DCC: variants seen among roughly 807,000 people sequenced by gnomAD.
DCC encodes the protein DCC netrin 1 receptor.
DCC carries 58 observed loss-of-function variants against 172.5 expected under a neutral mutation model. That is an observed-to-expected ratio of 0.34 (90% CI 0.27 to 0.42). The LOEUF (loss-of-function observed/expected upper bound fraction) is 0.42, where lower values mean the gene tolerates loss of function less well. DCC is among the 10% of genes least tolerant of loss of function. DCC has a pLI of 1.00. For missense variants in DCC, 1,740 were observed against 1,791.0 expected, an observed-to-expected ratio of 0.97 and a Z score of 0.51; for synonymous variants, 709 against 644.5, an observed-to-expected ratio of 1.10 and a Z score of -1.52.
At chr18:52,948,775 T>C (rs1279249228) in intron 5 of DCC, among the ~76,000 whole-genome samples, 1 of 152,230 alleles carries the variant, frequency 6.6e-6, no homozygotes, top group Non-Finnish European at 1.5e-5. Flanking sequence ...CAGCAGACTT[T>C]ATTCTTAACA....
intron 16 of DCC, among the ~76,000 whole-genome samples, chr18:53,386,814 A>T (rs921063319): frequency 3.9e-4 from 59 of 152,198 alleles, no homozygotes; most frequent in Non-Finnish European, 8.2e-4. Flanking sequence ...AGATGGTGAG[A>T]TCCAAACTAT....
At chr18:52,915,718 A>G (rs2040030257) in intron 3 of DCC, among the ~76,000 whole-genome samples, 1 of 152,132 alleles carries the variant, frequency 6.6e-6, no homozygotes, top group African/African-American at 2.4e-5. Context: ...CAAAGGCAAA[A>G]TAAGAGGGGC....
At chr18:53,112,502 A>G (rs2043347314) in intron 7 of DCC, among the ~76,000 whole-genome samples, 1 of 151,506 alleles carries the variant, frequency 6.6e-6, no homozygotes, top group Admixed American at 6.6e-5. Flanking sequence ...GCCTTTATTA[A>G]GTGCAGTGCT....
intron 5 of DCC, among the ~76,000 whole-genome samples, chr18:53,035,535 A>G (rs2042081348): frequency 6.6e-6 from 1 of 152,122 alleles, no homozygotes; most frequent in South Asian, 2.1e-4. Flanking sequence ...TATAATTGTT[A>G]TTTGAGAAGA....
At chr18:52,534,709 G>T (rs549235052) in intron 1 of DCC, among the ~76,000 whole-genome samples, 1 of 152,054 alleles carries the variant, frequency 6.6e-6, no homozygotes. Flanking sequence ...ATTTTCTCTG[G>T]ATCCTAATTA....
chr18:53,486,599 T>C (rs138110806), intron 25 of DCC, among the ~76,000 whole-genome samples, 198 bp from the exon 26 acceptor site: 219 of 152,310 alleles, frequency 1.4e-3, no homozygotes, highest in African/African-American at 5.0e-3. Context: ...TAATATTTCG[T>C]AGTATGATGC....
chr18:52,637,716 G>T (rs1490187293), intron 1 of DCC, among the ~76,000 whole-genome samples: 3 of 152,192 alleles, frequency 2.0e-5, no homozygotes, highest in Admixed American at 6.5e-5. Flanking sequence ...AGGAAGAAGA[G>T]AATTCTAAAA....
intron 24 of DCC, among the ~76,000 whole-genome samples, chr18:53,460,147 T>C (rs890559907): frequency 3.9e-5 from 3 of 77,848 alleles, no homozygotes; most frequent in African/African-American, 1.0e-4. Flanking sequence ...TAGAAAATAA[T>C]TGTAAGATAG....
At chr18:52,818,110 G>GC (rs2038336579) in intron 2 of DCC, 1 of 152,176 alleles carries the variant, frequency 6.6e-6, no homozygotes, top group South Asian at 2.1e-4. Flanking sequence ...GGGCACAGGG[G>GC]CTCATGCCTG....
At chr18:52,933,384 T>G (rs2145506816) in intron 5 of DCC, among the ~76,000 whole-genome samples, 1 of 144,350 alleles carries the variant, frequency 6.9e-6, no homozygotes, top group East Asian at 2.1e-4. Context: ...GAATAAAGAA[T>G]GCAACAAAGA....
At chr18:53,010,337 G>GT (rs1217215013) in intron 5 of DCC, among the ~76,000 whole-genome samples, 3 of 151,254 alleles carry the variant, frequency 2.0e-5, no homozygotes, top group East Asian at 1.9e-4. Context: ...GTAATGCATT[G>GT]TTTTTTTTCT....
chr18:53,075,576 GA>G (rs1292204778), intron 7 of DCC, among the ~76,000 whole-genome samples: 2 of 146,046 alleles, frequency 1.4e-5, no homozygotes, highest in Non-Finnish European at 3.0e-5. Flanking sequence ...CTCTAGAGTA[GA>G]AAAAGCGGAA....
intron 2 of DCC, among the ~76,000 whole-genome samples, chr18:52,891,091 G>A (rs1257785996): frequency 6.6e-6 from 1 of 152,014 alleles, no homozygotes; most frequent in Admixed American, 6.6e-5. Flanking sequence ...ATAAGCAAAG[G>A]AAATAATAAT....
Position 52,407,215 on chromosome 18 carries a change from C to G in DCC, c.91+66337C>G, listed in dbSNP as rs59523832. On this transcript the variant is annotated intron_variant, in intron 1 of 28. Coordinates refer to ENST00000442544, the MANE Select transcript of DCC (RefSeq NM_005215.4). ...TGGGGTCAGCCAGTCCTGAGTCTATCCTACAGTCAGTGATGCTTATGGGCA... is the reference window on the plus strand; with the variant it reads ...TGGGGTCAGCCAGTCCTGAGTCTATGCTACAGTCAGTGATGCTTATGGGCA... 3.3e-5 allele frequency among the ~76,000 whole-genome samples: 5 copies of G among 152,160 alleles called. No individual in the cohort carries two copies. In the South Asian group the frequency reaches 1.0e-3, roughly 32 times the overall value.
intron 25 of DCC, among the ~76,000 whole-genome samples, chr18:53,469,383 C>G (rs1304163111): frequency 6.6e-6 from 1 of 152,198 alleles, no homozygotes; most frequent in Non-Finnish European, 1.5e-5. Context: ...GGAAATGACA[C>G]TGTATTTCTC....
intron 1 of DCC, among the ~76,000 whole-genome samples, chr18:52,624,393 C>T (rs922526945): frequency 3.9e-5 from 6 of 152,148 alleles, no homozygotes; most frequent in Non-Finnish European, 1.5e-5. Flanking sequence ...TAAGCTTCAA[C>T]AGTTTTAAGA....
Position 52,923,747 on chromosome 18 carries a change from A to C in DCC, c.738A>C (p.Pro246=), listed in dbSNP as rs2040159111. The C allele has an allele frequency of 6.2e-7, 1 of 1,610,994 alleles. No homozygotes were observed. Among genetic ancestry groups the C allele is most frequent in the Non-Finnish European group, 8.5e-7 (1 of 1,177,474 alleles). Residue 246 remains proline (P), a synonymous_variant, in exon 4 of 29, where the codon CCA becomes CCC. Transcript: ENST00000442544. Reference sequence around the variant, plus strand: ...GACAGCTGTATTTTCTGCAAAGACCATCCAATGTAGTAGCCATTGAAGGAA... The same window carrying C: ...GACAGCTGTATTTTCTGCAAAGACCCTCCAATGTAGTAGCCATTGAAGGAA... ...LHRQLYFLQR[P]SNVVAIEGKD... is the part of the protein sequence containing the mutation.
chr18:52,394,409 G>C (rs572443841), intron 1 of DCC, among the ~76,000 whole-genome samples: 1 of 151,740 alleles, frequency 6.6e-6, no homozygotes, highest in Admixed American at 6.6e-5. Context: ...AGGACCACAC[G>C]TGTGCTCTAC....
At chr18:52,880,435 C>T (rs2039467528) in intron 2 of DCC, among the ~76,000 whole-genome samples, 1 of 152,184 alleles carries the variant, frequency 6.6e-6, no homozygotes, top group Non-Finnish European at 1.5e-5. Flanking sequence ...AGGCGTTAGC[C>T]ACCTTGCCCG....
Sources: allele counts gnomAD v4.1 joint callset (sites outside exome capture counted in the v4.1 genomes callset), GRCh38; gene constraint gnomAD v4.1.1; transcripts MANE v1.5; gene names NCBI Gene and HGNC (gene_info 2026-07-23, HGNC 2026-07-21).